Variants in DPYSL2 observed in about 807,000 individuals in gnomAD.
DPYSL2 encodes the protein dihydropyrimidinase like 2.
Under a neutral mutation model 69.9 loss-of-function variants are expected in DPYSL2, and 13 were observed. The ratio of observed to expected loss-of-function variants is 0.19; its 90% CI spans 0.12 to 0.30. The LOEUF is 0.30. Among genes scored for constraint, DPYSL2 ranks in the 10% least tolerant of loss-of-function variants. DPYSL2 has a pLI of 1.00. For synonymous variants in DPYSL2, 326 were observed against 359.1 expected (o/e 0.91, Z 1.04); for missense variants, 587 against 918.9 (o/e 0.64, Z 4.67).
At chr8:26,649,544 G>A (rs1276855812) in intron 11 of DPYSL2, among the ~76,000 whole-genome samples, 1 of 152,186 alleles carries the variant, frequency 6.6e-6, no homozygotes, top group Non-Finnish European at 1.5e-5. Flanking sequence ...GACTTTCAAA[G>A]CGGTGCTTTT....
chr8:26,514,575 C>A lies in DPYSL2; in HGVS notation c.250C>A (p.Arg84=). 6.6e-7 allele frequency: 1 copy of A among 1,522,332 alleles called. No homozygotes were observed. Among genetic ancestry groups the A allele is most frequent in the Non-Finnish European group, 8.8e-7 (1 of 1,140,648 alleles). 94.3% of individuals were successfully genotyped at this position (1,522,332 alleles called of 1,614,324 possible). Residue 84 remains arginine (R), a synonymous_variant, in exon 1 of 14, where the codon CGG becomes AGG. Coordinates refer to ENST00000521913, the MANE Select transcript of DPYSL2 (RefSeq NM_001197293.3). The surrounding 1 kb of genome is among the most constrained non-coding windows in gnomAD (Gnocchi z 8.4). Reference sequence around the variant, plus strand: ...CCCGGACCCGCAGCCGCCGTACTCGCGGCAGGGCCGGCGCGCCGGCGGAGA... The same window carrying A: ...CCCGGACCCGCAGCCGCCGTACTCGAGGCAGGGCCGGCGCGCCGGCGGAGA... ...LGPDPQPPYS[R]QGRRAGGEPS...
Position 26,535,744 on chromosome 8 carries a change from A to G in DPYSL2, c.354+21065A>G, listed in dbSNP as rs200155690. Among the ~76,000 whole-genome samples, 3 of 152,040 alleles carry G rather than the reference A, an allele frequency of 2.0e-5. No homozygotes were observed. In the East Asian group the frequency reaches 5.8e-4, roughly 29 times the overall value. On this transcript the variant is annotated intron_variant, in intron 1 of 13. Transcript: ENST00000521913. ...TCAAGATGATATTGTTAATTTGCTG[A>G]CATTGCTTTGAAATGAACGTGCCAG...
chr8:26,579,359 A>G (rs576814964), intron 1 of DPYSL2, among the ~76,000 whole-genome samples: 2 of 152,286 alleles, frequency 1.3e-5, no homozygotes, highest in Non-Finnish European at 2.9e-5. Flanking sequence ...CGTTCGTCCT[A>G]TTCTTTCCAT....
At chr8:26,550,186 G>A (rs1398288695) in intron 1 of DPYSL2, among the ~76,000 whole-genome samples, 1 of 152,164 alleles carries the variant, frequency 6.6e-6, no homozygotes, top group African/African-American at 2.4e-5. Context: ...TAAGGTATGT[G>A]CATCACCTGC....
chr8:26,629,743 T>G (rs1368002676), intron 7 of DPYSL2, among the ~76,000 whole-genome samples: 5 of 151,888 alleles, frequency 3.3e-5, no homozygotes, highest in Non-Finnish European at 7.3e-5. Context: ...AGGCTGATTT[T>G]ATTTTATTTT....
chr8:26,630,755 G>A lies in DPYSL2; in HGVS notation c.1005+2815G>A, dbSNP rs976309595. On this transcript the variant is annotated intron_variant, in intron 7 of 13. Coordinates refer to ENST00000521913, the MANE Select transcript of DPYSL2 (RefSeq NM_001197293.3). ...GATGAGGACACTCCAGAAGCATGAA[G>A]TTAAGTGACTGCCCAGTTATCAAAG... Among the ~76,000 whole-genome samples the A allele has an allele frequency of 4.6e-5, 7 of 152,340 alleles. No homozygotes were observed. The South Asian group carries it at 1.0e-3, about 23-fold the overall frequency.
chr8:26,639,631 C>T (rs1008126857), intron 8 of DPYSL2, among the ~76,000 whole-genome samples: 1 of 152,072 alleles, frequency 6.6e-6, no homozygotes, highest in African/African-American at 2.4e-5. Flanking sequence ...TCTTTTTTCC[C>T]CCACTTTGTC....
At chr8:26,625,756 T>C (rs1310288944) in intron 4 of DPYSL2, among the ~76,000 whole-genome samples, 1 of 152,226 alleles carries the variant, frequency 6.6e-6, no homozygotes, top group African/African-American at 2.4e-5. Context: ...AACTTCTAAT[T>C]CATTTTCTTG....
At chr8:26,551,748 C>G (rs1451551040) in intron 1 of DPYSL2, among the ~76,000 whole-genome samples, 1 of 152,098 alleles carries the variant, frequency 6.6e-6, no homozygotes. Flanking sequence ...CCACAATGAA[C>G]TTAAACTAGA....
Position 26,560,054 on chromosome 8 carries a change from C to T in DPYSL2, c.355-21915C>T, listed in dbSNP as rs1165861177. Among the ~76,000 whole-genome samples the T allele has an allele frequency of 2.0e-5, 3 of 152,190 alleles. No homozygotes were observed. The highest frequency in any genetic ancestry group is 6.5e-5 in the Admixed American group (1 of 15,270). On this transcript the variant is annotated intron_variant, in intron 1 of 13. Coordinates refer to ENST00000521913, the MANE Select transcript of DPYSL2 (RefSeq NM_001197293.3). This position sits in a 1 kb window ranked among gnomAD's most constrained non-coding sequence, Gnocchi z 4.4. ...TCCTTTGCCTCACATCCCAGCTCTG[C>T]CATGGCTAGTCCATGGGAGATAATC...
At chr8:26,550,555 T>TAAATATAA (rs57292839) in intron 1 of DPYSL2, among the ~76,000 whole-genome samples, 46,578 of 151,574 alleles carry the variant, frequency 0.31, 7,561 homozygotes, top group African/African-American at 0.43. Context: ...AAACCCACCC[T>TAAATATAA]AAATATAAAA....
intron 3 of DPYSL2, among the ~76,000 whole-genome samples, chr8:26,592,977 T>G (rs926896835): frequency 1.3e-5 from 2 of 152,228 alleles, no homozygotes; most frequent in African/African-American, 4.8e-5. Context: ...GGTTCTGTCT[T>G]TGACTCTCCG....
chr8:26,556,358 A>ATATAGTG lies in DPYSL2; in HGVS notation c.355-25607_355-25606insGTGTATA, dbSNP rs1204080481. ...TATATAGTATATATATATAGTATAT[A>ATATAGTG]TATATAGTATATATATATAGTATAT... On this transcript the variant is annotated intron_variant, in intron 1 of 13. Coordinates refer to ENST00000521913, the MANE Select transcript of DPYSL2 (RefSeq NM_001197293.3). Among the ~76,000 whole-genome samples, 52 of 74,830 alleles carry ATATAGTG rather than the reference A, an allele frequency of 6.9e-4. 6 individuals are homozygous for ATATAGTG. The highest frequency in any genetic ancestry group is 1.2e-3 in the Non-Finnish European group (44 of 37,430). 49.1% of individuals were successfully genotyped at this position (74,830 alleles called of 152,430 possible). A position where few individuals can be genotyped will look rare whatever the true frequency, so the allele number is the denominator to read the frequency against.
In DPYSL2 at chr8:26,643,409, G is replaced by A. The variant is rs1250653309; in HGVS notation, c.1127-30G>A. The A allele has an allele frequency of 3.8e-6, 6 of 1,561,900 alleles. No homozygotes were observed. The East Asian group carries it at 1.1e-4, about 29-fold the overall frequency. On this transcript the variant is annotated intron_variant, in intron 8 of 13. Transcript: ENST00000521913. This position sits in a 1 kb window ranked among gnomAD's most constrained non-coding sequence, Gnocchi z 6.5. ...GGTTCCCTTCCCCCTGCATTGTGTTGGACTGAACCTTGTGTGTTCTGTTTG... is the reference window on the plus strand; with the variant it reads ...GGTTCCCTTCCCCCTGCATTGTGTTAGACTGAACCTTGTGTGTTCTGTTTG...
At position 26,624,372 on chromosome 8, in the gene DPYSL2, C is replaced by T. The variant is rs1402166751; in HGVS notation, c.793+65C>T. ...GCTTCAGTCCATCAACTGGCACAGC[C>T]CTGGGAAGAAAGTGATAATGCTTCC... On this transcript the variant is annotated intron_variant, in intron 4 of 13. Coordinates refer to ENST00000521913, the MANE Select transcript of DPYSL2 (RefSeq NM_001197293.3). This position sits in a 1 kb window ranked among gnomAD's most constrained non-coding sequence, Gnocchi z 4.7. 6.4e-7 allele frequency: 1 copy of T among 1,564,984 alleles called. No homozygotes were observed. Among genetic ancestry groups the T allele is most frequent in the African/African-American group, 1.4e-5 (1 of 73,958 alleles).
Position 26,591,745 on chromosome 8 carries a change from C to T in DPYSL2, c.628+7762C>T, listed in dbSNP as rs995913250. Among the ~76,000 whole-genome samples the T allele has an allele frequency of 6.6e-6, 1 of 152,196 alleles. No individual in the cohort carries two copies. Among genetic ancestry groups the T allele is most frequent in the Non-Finnish European group, 1.5e-5 (1 of 68,034 alleles). ...GCTGTGGGGGAGTCCAGATCCTCTC[C>T]GCTTTCTCTTTGTCATCCCCCCATG... is the stretch of plus-strand genomic sequence containing the variant. On this transcript the variant is annotated intron_variant, in intron 3 of 13. Coordinates refer to ENST00000521913, the MANE Select transcript of DPYSL2 (RefSeq NM_001197293.3). The surrounding 1 kb of genome is among the most constrained non-coding windows in gnomAD (Gnocchi z 5.8).
chr8:26,551,257 C>A (rs1800870067), intron 1 of DPYSL2, among the ~76,000 whole-genome samples: 1 of 152,104 alleles, frequency 6.6e-6, no homozygotes, highest in Admixed American at 6.5e-5. Flanking sequence ...ACCATGCTAA[C>A]AGAAATCAAA....
At chr8:26,526,060 T>A (rs1334501924) in intron 1 of DPYSL2, among the ~76,000 whole-genome samples, 4 of 152,170 alleles carry the variant, frequency 2.6e-5, no homozygotes, top group Non-Finnish European at 5.9e-5. Context: ...CCCTGTTATA[T>A]TTGGTAGTTT....
At chr8:26,577,968 C>G (rs967842089) in intron 1 of DPYSL2, 9 of 1,295,164 alleles carry the variant, frequency 6.9e-6, no homozygotes, top group Admixed American at 3.8e-5. Flanking sequence ...ATTTCCACCC[C>G]CTTCCCTCCT....
Sources: gnomAD v4.1 joint callset for allele counts (sites outside exome capture counted in the v4.1 genomes callset) on GRCh38, gnomAD v4.1.1 for gene constraint, Gnocchi (gnomAD v3.1) non-coding constraint, MANE v1.5 for transcripts, NCBI Gene and HGNC (gene_info 2026-07-23, HGNC 2026-07-21) for gene names.